Variants in KANK1 observed in about 807,000 individuals in gnomAD.
KANK1 encodes the protein KN motif and ankyrin repeat domain-containing protein 1.
Under a neutral mutation model 106.2 loss-of-function variants are expected in KANK1, and 109 were observed. The observed-to-expected ratio is 1.03, with a 90% CI of 0.88 to 1.20. The LOEUF (loss-of-function observed/expected upper bound fraction) is 1.20. KANK1 is among the 50% of genes most tolerant of loss of function. KANK1 has a pLI of 0.00. For missense variants in KANK1, 2,399 were observed against 1,710.7 expected, an observed-to-expected ratio of 1.40 and a Z score of -7.10; for synonymous variants, 873 against 652.2, an observed-to-expected ratio of 1.34 and a Z score of -5.16.
intron 1 of KANK1, among the ~76,000 whole-genome samples, chr9:659,730 C>G (rs1008201403): frequency 2.0e-5 from 3 of 151,906 alleles, no homozygotes; most frequent in Non-Finnish European, 4.4e-5. Context: ...TATGCACTTT[C>G]AAACAACCAG....
chr9:514,062 C>CT (rs1168228992), intron 1 of KANK1, among the ~76,000 whole-genome samples: 2 of 151,078 alleles, frequency 1.3e-5, no homozygotes, highest in Non-Finnish European at 2.9e-5. Flanking sequence ...CACCTTTTCT[C>CT]TTTTCTGTCC....
intron 1 of KANK1, among the ~76,000 whole-genome samples, chr9:600,187 T>C (rs1173429868): frequency 6.6e-6 from 1 of 151,806 alleles, no homozygotes; most frequent in East Asian, 1.9e-4. Context: ...ATATCTGTTA[T>C]ACAACAACTC....
At chr9:500,430 C>A (rs539067927), upstream of KANK1, among the ~76,000 whole-genome samples, 70 of 152,314 alleles carry the variant, frequency 4.6e-4, no homozygotes, top group African/African-American at 1.6e-3. Flanking sequence ...TTAACAAGTG[C>A]TTCAGTTGAT....
intron 3 of KANK1, among the ~76,000 whole-genome samples, chr9:496,955 A>T (rs1350278161): frequency 1.3e-5 from 2 of 152,242 alleles, no homozygotes; most frequent in African/African-American, 4.8e-5. Context: ...TAATAATTAT[A>T]ATTATGAATG....
At chr9:617,979 T>TA (rs1309001542) in intron 1 of KANK1, among the ~76,000 whole-genome samples, 1 of 152,172 alleles carries the variant, frequency 6.6e-6, no homozygotes, top group Non-Finnish European at 1.5e-5. Context: ...ATGCCACACT[T>TA]ACTGTGGGCA....
At chr9:660,844 C>A (rs748669747) in intron 1 of KANK1, among the ~76,000 whole-genome samples, 8 of 152,178 alleles carry the variant, frequency 5.3e-5, no homozygotes, top group Non-Finnish European at 8.8e-5. Context: ...GGCCCCCTTC[C>A]CAATAGCGAG....
chr9:708,133 GCTTCTCTCCT>G lies in KANK1; in HGVS notation c.38-2670_38-2661del. Among the ~76,000 whole-genome samples, 2 of 33,606 alleles carry G rather than the reference GCTTCTCTCCT, an allele frequency of 6.0e-5. 1 individual carries two copies. Among genetic ancestry groups the G allele is most frequent in the South Asian group, 3.6e-3 (2 of 552 alleles). The allele number at this position is 33,606 out of a possible 152,430, so 22.0% of individuals were successfully genotyped here. On this transcript the variant is annotated intron_variant, in intron 2 of 11. Coordinates refer to ENST00000382297, the MANE Select transcript of KANK1 (RefSeq NM_015158.5). ...CCTGGAGACAGGTCTGGCTGCTGCAGCTTCTCTCCTGTTAATGGAATTTCAGACAGTCCTG... is the reference window on the plus strand; with the variant it reads ...CCTGGAGACAGGTCTGGCTGCTGCAGGTTAATGGAATTTCAGACAGTCCTG...
intron 1 of KANK1, among the ~76,000 whole-genome samples, chr9:622,034 A>C (rs1833261172): frequency 6.6e-6 from 1 of 152,136 alleles, no homozygotes; most frequent in African/African-American, 2.4e-5. Flanking sequence ...CTTTAAACTG[A>C]TAGGTTCAGG....
intron 1 of KANK1, among the ~76,000 whole-genome samples, chr9:561,654 G>A (rs777476974): frequency 1.3e-5 from 2 of 152,214 alleles, no homozygotes; most frequent in African/African-American, 2.4e-5. Context: ...AAAGAAGTCA[G>A]ATTACCCCAA....
intron 1 of KANK1, among the ~76,000 whole-genome samples, chr9:519,372 T>A (rs536010554): frequency 6.6e-6 from 1 of 151,826 alleles, no homozygotes; most frequent in African/African-American, 2.4e-5. Flanking sequence ...TATTTTTCCT[T>A]CAGAAATTAA....
Position 586,928 on chromosome 9 carries a change from T to C in KANK1, c.-84+82174T>C, listed in dbSNP as rs562251387. Reference sequence around the variant, plus strand: ...CCAAAATGCGTAGCAGTCTCTAGTATTGATTCCCCTCTCCTGCAGATCTCA... The same window carrying C: ...CCAAAATGCGTAGCAGTCTCTAGTACTGATTCCCCTCTCCTGCAGATCTCA... On this transcript the variant is annotated intron_variant, in intron 1 of 11. Transcript: ENST00000382297. 3.9e-5 allele frequency among the ~76,000 whole-genome samples: 6 copies of C among 152,334 alleles called. No individual in the cohort carries two copies. In the East Asian group the frequency reaches 1.2e-3, roughly 29 times the overall value.
chr9:636,663 C>T (rs748709027), intron 1 of KANK1, among the ~76,000 whole-genome samples: 64 of 152,272 alleles, frequency 4.2e-4, no homozygotes, highest in African/African-American at 1.3e-3. Context: ...GTCAGGAGTT[C>T]GAGACCAGTC....
chr9:548,503 G>T (rs2061072784), intron 1 of KANK1, among the ~76,000 whole-genome samples: 1 of 152,092 alleles, frequency 6.6e-6, no homozygotes, highest in Non-Finnish European at 1.5e-5. Context: ...AATAGCAGGG[G>T]TGTTTCTCAA....
rs148391041 is a variant in KANK1 at position 516,352 on chromosome 9, A to G, written c.-84+11598A>G. On this transcript the variant is annotated intron_variant, in intron 1 of 11. Coordinates refer to ENST00000382297, the MANE Select transcript of KANK1 (RefSeq NM_015158.5). Reference sequence around the variant, plus strand: ...CAAGAAAAGGTGGTTGAGAGACATGATTGAAGATTGCTTAATTCATCACAG... The same window carrying G: ...CAAGAAAAGGTGGTTGAGAGACATGGTTGAAGATTGCTTAATTCATCACAG... Among the ~76,000 whole-genome samples the G allele has an allele frequency of 4.6e-5, 7 of 151,894 alleles. No homozygotes were observed. In the East Asian group the frequency reaches 1.2e-3, roughly 25 times the overall value.
chr9:706,970 C>A, intron 2 of KANK1: 5 of 985,374 alleles, frequency 5.1e-6, no homozygotes, highest in Non-Finnish European at 6.0e-6. Context: ...GTGAAGAACA[C>A]ACATTTTCAG....
intron 1 of KANK1, among the ~76,000 whole-genome samples, chr9:550,509 C>T (rs930298621): frequency 6.6e-6 from 1 of 152,248 alleles, no homozygotes; most frequent in South Asian, 2.1e-4. Flanking sequence ...ATTTGGGAAG[C>T]TGAGGTGGGA....
intron 1 of KANK1, among the ~76,000 whole-genome samples, chr9:572,401 A>T (rs1819436046): frequency 6.6e-6 from 1 of 152,120 alleles, no homozygotes; most frequent in South Asian, 2.1e-4. Context: ...AATAGAAAAA[A>T]ATTAGCTGGG....
rs182672126 is a variant in KANK1 at position 745,144 on chromosome 9, C to T, written c.3997-29C>T. On this transcript the variant is annotated intron_variant, in intron 11 of 11. Transcript: ENST00000382297. ...ATCTGCCTGAGGTCACTTATTAACC[C>T]CCAGTTTTTTTCCTTTCCTGGTCTC... The T allele has an allele frequency of 3.8e-5, 61 of 1,611,894 alleles. No individual in the cohort carries two copies. The East Asian group carries it at 1.3e-3, about 34-fold the overall frequency.
intron 3 of KANK1, among the ~76,000 whole-genome samples, chr9:492,488 A>G (rs1460650748): frequency 6.6e-6 from 1 of 152,212 alleles, no homozygotes; most frequent in Non-Finnish European, 1.5e-5. Context: ...GAGGCAACTA[A>G]TAAATGCATC....
Sources: allele counts gnomAD v4.1 joint callset (sites outside exome capture counted in the v4.1 genomes callset), GRCh38; gene constraint gnomAD v4.1.1; transcripts MANE v1.5; gene names NCBI Gene and HGNC (gene_info 2026-07-23, HGNC 2026-07-21).